The following ALMS1 variants were observed in gnomAD, a reference collection of about 807,000 sequenced individuals.
The protein encoded by ALMS1 is ALMS1 centrosome and basal body associated protein.
In ALMS1, 271 loss-of-function variants were observed where a neutral mutation model predicts 352.2. The ratio of observed to expected loss-of-function variants is 0.77; its 90% CI spans 0.70 to 0.85. The LOEUF is 0.85. Among genes scored for constraint, ALMS1 ranks in the 40% least tolerant of loss-of-function variants. The probability of loss-of-function intolerance (pLI) is 0.00; values close to 1 mark genes in which losing one functional copy is unlikely to be tolerated. For synonymous variants in ALMS1, 1,865 were observed against 1,761.2 expected (o/e 1.06, Z -1.48); for missense variants, 5,445 against 4,870.7 (o/e 1.12, Z -3.51).
intron 12 of ALMS1, among the ~76,000 whole-genome samples, chr2:73,543,292 C>T (rs996492971): frequency 3.9e-5 from 6 of 152,060 alleles, no homozygotes; most frequent in Admixed American, 2.0e-4. Context: ...ATAAATGGTG[C>T]TGGGAAAGCT....
Position 73,585,170 on chromosome 2 carries a change from A to C in ALMS1, c.11547+11746A>C, listed in dbSNP as rs1002290690. ...TAGTGGGACTGCTGGATCAAATGGTAGTTCTACTTTTAGTTCTTTAAGGGA... is the reference window on the plus strand; with the variant it reads ...TAGTGGGACTGCTGGATCAAATGGTCGTTCTACTTTTAGTTCTTTAAGGGA... On this transcript the variant is annotated intron_variant, in intron 16 of 22. Coordinates refer to ENST00000613296, the MANE Select transcript of ALMS1 (RefSeq NM_001378454.1). Among the ~76,000 whole-genome samples, 16 of 152,176 alleles carry C rather than the reference A, an allele frequency of 1.1e-4. 1 individual carries two copies. Among genetic ancestry groups the C allele is most frequent in the Admixed American group, 7.9e-4 (12 of 15,278 alleles).
intron 6 of ALMS1, among the ~76,000 whole-genome samples, chr2:73,430,745 A>G (rs188639173): frequency 1.6e-4 from 25 of 152,328 alleles, no homozygotes; most frequent in Middle Eastern, 3.4e-3. Flanking sequence ...GCTAGACCAT[A>G]TAGCCTAGGT....
chr2:73,540,540 A>T (rs1454068161), intron 12 of ALMS1, among the ~76,000 whole-genome samples: 1 of 152,256 alleles, frequency 6.6e-6, no homozygotes, highest in Non-Finnish European at 1.5e-5. Context: ...TCTTAAATGT[A>T]AATGGACTAA....
chr2:73,478,363 T>G (rs749786875), intron 9 of ALMS1, among the ~76,000 whole-genome samples: 1 of 152,122 alleles, frequency 6.6e-6, no homozygotes, highest in Non-Finnish European at 1.5e-5. Context: ...AAAGATGCAA[T>G]GGGAGGAGGT....
intron 9 of ALMS1, among the ~76,000 whole-genome samples, chr2:73,455,604 G>T (rs993897900): frequency 6.6e-6 from 1 of 152,136 alleles, no homozygotes; most frequent in Non-Finnish European, 1.5e-5. Flanking sequence ...GGGTCTCTAC[G>T]TTGCCCAGGC....
chr2:73,456,249 C>T (rs1291679407), intron 9 of ALMS1, among the ~76,000 whole-genome samples: 3 of 152,062 alleles, frequency 2.0e-5, no homozygotes, highest in African/African-American at 7.2e-5. Flanking sequence ...CAATATGATA[C>T]ATATTCTTTT....
At chr2:73,525,779 A>G (rs1673778686) in intron 11 of ALMS1, among the ~76,000 whole-genome samples, 1 of 151,912 alleles carries the variant, frequency 6.6e-6, no homozygotes, top group Admixed American at 6.6e-5. Context: ...TTTTAACTTG[A>G]TGTGATCACA....
chr2:73,403,087 A>T (rs529459869), intron 1 of ALMS1, among the ~76,000 whole-genome samples: 7 of 152,236 alleles, frequency 4.6e-5, no homozygotes, highest in Admixed American at 1.3e-4. Context: ...TTTTGTTGTG[A>T]TATCCAAAAC....
rs552726386 is a variant in ALMS1 at position 73,556,359 on chromosome 2, GA to G, written c.10079-856del. ...CTATTGCCTTTCTGATTTCTTTGTTGAAAAATATACTTACAGATAAAAAAAT... is the reference window on the plus strand; with the variant it reads ...CTATTGCCTTTCTGATTTCTTTGTTGAAAATATACTTACAGATAAAAAAAT... On this transcript the variant is annotated intron_variant, in intron 13 of 22. Transcript: ENST00000613296. Among the ~76,000 whole-genome samples the G allele has an allele frequency of 2.5e-4, 38 of 151,936 alleles. No homozygotes were observed. The South Asian group carries it at 6.4e-3, about 26-fold the overall frequency.
At chr2:73,542,005 CTAACTCATT>C (rs1261224247) in intron 12 of ALMS1, among the ~76,000 whole-genome samples, 2 of 152,212 alleles carry the variant, frequency 1.3e-5, no homozygotes, top group Non-Finnish European at 2.9e-5. Flanking sequence ...GGAATCCTCC[CTAACTCATT>C]TTATGAGGCC....
rs774955404 is a variant in ALMS1, at chr2:73,453,176, A to T, written c.6649A>T (p.Ser2217Cys). 6.2e-7 allele frequency: 1 copy of T among 1,614,106 alleles called. No individual in the cohort carries two copies. Among genetic ancestry groups the T allele is most frequent in the Non-Finnish European group, 8.5e-7 (1 of 1,179,998 alleles). The change falls in exon 8 of 23, where the codon AGC becomes TGC. Residue 2217 changes from serine to cysteine, a missense_variant. Transcript: ENST00000613296. The stretch of plus-strand genomic sequence containing the variant: ...TTTGAATTCTTCTGACTCCAGTGTT[A>T]GCTCAAATAATGTGCTTTTAAATTC... ...DNLNSSDSSVSSNNVLLNSQA... is the reference protein window; with the variant it reads ...DNLNSSDSSVCSNNVLLNSQA...
intron 3 of ALMS1, among the ~76,000 whole-genome samples, chr2:73,420,619 T>C (rs1402490238): frequency 6.6e-6 from 1 of 152,190 alleles, no homozygotes; most frequent in Non-Finnish European, 1.5e-5. Flanking sequence ...AAAAGTGAGC[T>C]TCATGTCACT....
intron 11 of ALMS1, among the ~76,000 whole-genome samples, chr2:73,524,606 C>T (rs547292862): frequency 6.6e-6 from 1 of 152,260 alleles, no homozygotes; most frequent in Non-Finnish European, 1.5e-5. Flanking sequence ...GCACCCGCCA[C>T]CACGCCTGGC....
rs1236202221 is a variant in ALMS1 at position 73,466,504 on chromosome 2, G to T, written c.7674+11209G>T. ...TGTTGTGGGGTGGGGGGAGGGGGGA[G>T]GGGGGAGGGATAGCATTTGGAGATA... On this transcript the variant is annotated intron_variant, in intron 9 of 22. Coordinates refer to ENST00000613296, the MANE Select transcript of ALMS1 (RefSeq NM_001378454.1). Among the ~76,000 whole-genome samples, 6 of 119,622 alleles carry T rather than the reference G, an allele frequency of 5.0e-5. No individual in the cohort carries two copies. The Admixed American group carries it at 5.3e-4, about 11-fold the overall frequency. The allele number at this position is 119,622 out of a possible 152,430, so 78.5% of individuals were successfully genotyped here.
chr2:73,592,115 T>A lies in ALMS1; in HGVS notation c.11548-7286T>A, dbSNP rs376943990. Among the ~76,000 whole-genome samples, 32 of 152,366 alleles carry A rather than the reference T, an allele frequency of 2.1e-4. No individual in the cohort carries two copies. In the East Asian group the frequency reaches 5.6e-3, roughly 27 times the overall value. On this transcript the variant is annotated intron_variant, in intron 16 of 22. Transcript: ENST00000613296. ...TTTGGATTCACTCAAAATTATTTGT[T>A]CTCTGCAATCTTTACTTCTTCACAT...
chr2:73,486,149 T>A lies in ALMS1; in HGVS notation c.7675-3485T>A, dbSNP rs563736873. On this transcript the variant is annotated intron_variant, in intron 9 of 22. Transcript: ENST00000613296. ...TTGTCTTTTTTTTCCCTTTTTACTG[T>A]TGTGAATTGTATATATATGTTAGTA... Among the ~76,000 whole-genome samples, 19 of 152,048 alleles carry A rather than the reference T, an allele frequency of 1.2e-4. No homozygotes were observed. In the South Asian group the frequency reaches 2.3e-3, roughly 18 times the overall value.
At chr2:73,599,990 A>G (rs6745560) in intron 17 of ALMS1, among the ~76,000 whole-genome samples, 77,552 of 152,104 alleles carry the variant, frequency 0.51, 22,761 homozygotes, top group East Asian at 0.77. Flanking sequence ...TGTCTAGATA[A>G]TGAATGAAAT....
At chr2:73,531,682 T>A (rs967289921) in intron 11 of ALMS1, among the ~76,000 whole-genome samples, 17 of 152,238 alleles carry the variant, frequency 1.1e-4, no homozygotes, top group African/African-American at 3.9e-4. Context: ...TTCACACTGC[T>A]TTAAAGATAC....
chr2:73,416,107 A>T (rs961706833), intron 2 of ALMS1, among the ~76,000 whole-genome samples: 3 of 152,158 alleles, frequency 2.0e-5, no homozygotes, highest in African/African-American at 7.2e-5. Context: ...AGGCTAAGAG[A>T]TGACTCGGGA....
Sources: allele counts gnomAD v4.1 joint callset (sites outside exome capture counted in the v4.1 genomes callset), GRCh38; gene constraint gnomAD v4.1.1; transcripts MANE v1.5; gene names NCBI Gene and HGNC (gene_info 2026-07-23, HGNC 2026-07-21).